The following ABLIM1 variants were observed in gnomAD, a reference collection of about 807,000 sequenced individuals.
ABLIM1 encodes actin-binding LIM protein 1.
In ABLIM1, 40 loss-of-function variants were observed where a neutral mutation model predicts 107.0. That is an observed-to-expected ratio of 0.37 (90% CI 0.29 to 0.49). The LOEUF (loss-of-function observed/expected upper bound fraction) is 0.49. Ranked by LOEUF, ABLIM1 falls within the 20% of genes least tolerant of loss-of-function variation. The pLI, the probability that ABLIM1 is intolerant of heterozygous loss-of-function variation, is 0.97. For synonymous variants in ABLIM1, 357 were observed against 357.3 expected (o/e 1.00, Z 0.01); for missense variants, 857 against 1,008.5 (o/e 0.85, Z 2.04).
In ABLIM1 at chr10:114,535,170, C is replaced by T. The variant is rs1387787358; in HGVS notation, c.894+9835G>A. On this transcript the variant is annotated intron_variant, in intron 6 of 22. Coordinates refer to ENST00000533213, the MANE Select transcript of ABLIM1 (RefSeq NM_002313.7). ...CCATACATTGGATTTCAACTTGAGT[C>T]GACTTTCCCAGCACTGGAGAGGTTT... Among the ~76,000 whole-genome samples the T allele has an allele frequency of 3.9e-5, 6 of 152,196 alleles. 1 individual carries two copies. The highest frequency in any genetic ancestry group is 2.0e-4 in the Admixed American group (3 of 15,276).
chr10:114,740,830 G>A (rs2082272058), intron 1 of ABLIM1, among the ~76,000 whole-genome samples: 2 of 151,964 alleles, frequency 1.3e-5, no homozygotes, highest in Non-Finnish European at 2.9e-5. Context: ...GATCACTTGA[G>A]GTCAGGAGTT....
At chr10:114,454,113 C>T (rs571828331) in intron 12 of ABLIM1, among the ~76,000 whole-genome samples, 1 of 152,246 alleles carries the variant, frequency 6.6e-6, no homozygotes, top group South Asian at 2.1e-4. Context: ...TATACCTCTC[C>T]CCATCTTTCA....
At chr10:114,536,724 T>A (rs2066081923) in intron 6 of ABLIM1, among the ~76,000 whole-genome samples, 1 of 152,220 alleles carries the variant, frequency 6.6e-6, no homozygotes, top group Admixed American at 6.5e-5. Context: ...GGTCTGACAA[T>A]ACACAAGGTG....
At chr10:114,454,428 T>C (rs1192778986) in intron 12 of ABLIM1, among the ~76,000 whole-genome samples, 1 of 151,934 alleles carries the variant, frequency 6.6e-6, no homozygotes, top group Admixed American at 6.6e-5. Context: ...GGTAGGTGAA[T>C]GGGAGGGTGG....
intron 6 of ABLIM1, among the ~76,000 whole-genome samples, chr10:114,536,611 G>A (rs2066065886): frequency 6.6e-6 from 1 of 152,078 alleles, no homozygotes; most frequent in African/African-American, 2.4e-5. Context: ...TCAGAACTTT[G>A]TTCCTTTTTA....
intron 1 of ABLIM1, among the ~76,000 whole-genome samples, chr10:114,668,835 G>A (rs2080132526): frequency 6.6e-6 from 1 of 152,206 alleles, no homozygotes; most frequent in Non-Finnish European, 1.5e-5. Context: ...TGTCCAGCTG[G>A]CAGCTGAGAA....
intron 8 of ABLIM1, among the ~76,000 whole-genome samples, chr10:114,484,102 G>A (rs529475964): frequency 1.7e-4 from 26 of 152,178 alleles, no homozygotes; most frequent in African/African-American, 6.0e-4. Context: ...TGCTTCTTTC[G>A]GGTTTTTCTC....
At chr10:114,704,733 G>A (rs2081387022) in intron 1 of ABLIM1, among the ~76,000 whole-genome samples, 1 of 152,020 alleles carries the variant, frequency 6.6e-6, no homozygotes, top group South Asian at 2.1e-4. Flanking sequence ...ATGCATGGGA[G>A]TGTGTAAGTC....
the ABLIM1 span, among the ~76,000 whole-genome samples, chr10:114,798,859 G>A: frequency 1.3e-5 from 2 of 151,932 alleles, no homozygotes; most frequent in African/African-American, 2.4e-5. Context: ...GCAGTGGCGC[G>A]ATCTCAGCTC....
chr10:114,432,751 G>A lies in ABLIM1; in HGVS notation c.*3509C>T, dbSNP rs1286218361. 2.0e-5 allele frequency: 3 copies of A among 152,064 alleles called. No homozygotes were observed. Among genetic ancestry groups the A allele is most frequent in the Non-Finnish European group, 4.4e-5 (3 of 68,020 alleles). 9.4% of individuals were successfully genotyped at this position (152,064 alleles called of 1,614,324 possible). A position where few individuals can be genotyped will look rare whatever the true frequency, so the allele number is the denominator to read the frequency against. ...TTGGAGATGACAGAATTGGGTAGCG[G>A]AGTAGATGCTAGAGCCCATGACAGA... On this transcript the variant is annotated 3_prime_UTR_variant, in exon 23 of 23. Coordinates refer to ENST00000533213, the MANE Select transcript of ABLIM1 (RefSeq NM_002313.7).
intron 1 of ABLIM1, among the ~76,000 whole-genome samples, chr10:114,708,328 G>C (rs925755750): frequency 6.6e-6 from 1 of 152,094 alleles, no homozygotes; most frequent in Non-Finnish European, 1.5e-5. Flanking sequence ...AAAAACAGCC[G>C]CTGTTTCCCT....
intron 4 of ABLIM1, among the ~76,000 whole-genome samples, chr10:114,566,441 A>T (rs11812803): frequency 0.011 from 1,705 of 152,258 alleles, 29 homozygotes; most frequent in African/African-American, 0.039. Flanking sequence ...AACCCATGGG[A>T]ATCCAGCCCC....
At chr10:114,497,139 G>A (rs1341951675) in intron 6 of ABLIM1, among the ~76,000 whole-genome samples, 1 of 152,248 alleles carries the variant, frequency 6.6e-6, no homozygotes, top group Non-Finnish European at 1.5e-5. Context: ...ATAAGAAACA[G>A]ATAATAAGCT....
chr10:114,443,249 A>G (rs985084640), intron 17 of ABLIM1, among the ~76,000 whole-genome samples: 1 of 152,216 alleles, frequency 6.6e-6, no homozygotes. Flanking sequence ...AGCCCAGTGT[A>G]TAAGTCATCT....
At chr10:114,533,600 A>T (rs2065670823) in intron 6 of ABLIM1, among the ~76,000 whole-genome samples, 1 of 152,168 alleles carries the variant, frequency 6.6e-6, no homozygotes, top group South Asian at 2.1e-4. Context: ...TGAACTCAGG[A>T]CATTTACTGT....
chr10:114,720,950 C>T (rs2081831159), intron 1 of ABLIM1, among the ~76,000 whole-genome samples: 1 of 152,196 alleles, frequency 6.6e-6, no homozygotes, highest in South Asian at 2.1e-4. Flanking sequence ...AGAACCAAAC[C>T]CAGAAGGTCT....
At chr10:114,654,439 T>C (rs2079399218) in intron 1 of ABLIM1, among the ~76,000 whole-genome samples, 1 of 152,216 alleles carries the variant, frequency 6.6e-6, no homozygotes, top group African/African-American at 2.4e-5. Flanking sequence ...AACACTTTGA[T>C]ATGCACGTTC....
At chr10:114,602,618 A>T (rs370991161) in intron 1 of ABLIM1, among the ~76,000 whole-genome samples, 58 of 152,342 alleles carry the variant, frequency 3.8e-4, no homozygotes, top group African/African-American at 1.3e-3. Context: ...TGATACACAC[A>T]CTGCAGGCAG....
intron 8 of ABLIM1, among the ~76,000 whole-genome samples, chr10:114,482,160 C>T (rs973140721): frequency 2.0e-5 from 3 of 152,192 alleles, no homozygotes; most frequent in Admixed American, 2.0e-4. Context: ...TAATGAATTA[C>T]ACATGCTCAG....
Sources: gnomAD v4.1 joint callset for allele counts (sites outside exome capture counted in the v4.1 genomes callset) on GRCh38, gnomAD v4.1.1 for gene constraint, MANE v1.5 for transcripts, NCBI Gene and HGNC (gene_info 2026-07-23, HGNC 2026-07-21) for gene names.